Variants in ZNF528 observed in about 807,000 individuals in gnomAD.
ZNF528 encodes the protein zinc finger protein 528.
In ZNF528, 9 loss-of-function variants were observed where a neutral mutation model predicts 13.3. The observed-to-expected ratio is 0.67, with a 90% confidence interval of 0.41 to 1.18. The LOEUF is 1.18. Among genes scored for constraint, ZNF528 ranks in the 50% most tolerant of loss-of-function variants. The pLI is 0.01. For synonymous variants in ZNF528, 264 were observed against 254.3 expected (o/e 1.04, Z -0.36); for missense variants, 858 against 745.4 (o/e 1.15, Z -1.76).
rs2058811726 is a variant in ZNF528, at chr19:52,402,913, T to C, written c.15+885T>C. 2.0e-5 allele frequency among the ~76,000 whole-genome samples: 3 copies of C among 152,188 alleles called. No individual in the cohort carries two copies. The South Asian group carries it at 6.2e-4, about 31-fold the overall frequency. ...AGAAGCAGTGATGTGTGCCTATAAT[T>C]CTAGCTTCTTGAGGGGTTGAGGTGG... On this transcript the variant is annotated intron_variant, in intron 4 of 6. Transcript: ENST00000360465.
chr19:52,406,612 C>A lies in ZNF528; in HGVS notation c.240C>A (p.Asp80Glu). 1.2e-6 allele frequency: 2 copies of A among 1,613,892 alleles called. No homozygotes were observed. The highest frequency in any genetic ancestry group is 1.7e-6 in the Non-Finnish European group (2 of 1,179,928). The change falls in exon 6 of 7, where the codon GAC becomes GAA. Residue 80 changes from aspartate (D) to glutamate (E), a missense_variant. Transcript: ENST00000360465. ...QSEEKIANDP[D>E]GRECIKGVNT... is the part of the protein sequence containing the mutation. ...AAGAGAAAATAGCAAACGATCCAGA[C>A]GGCAGGGAGTGCATCAAAGGTGTGA...
chr19:52,416,588 G>T lies in ZNF528; in HGVS notation c.1736G>T (p.Cys579Phe), dbSNP rs1036999732. ...CATACTGAAAAGAAATCTCATGAGT[G>T]TAAAGAATGTGGCAAGATCTTCACT... ...AIHTEKKSHE[C>F]KECGKIFTQK... is the part of the protein sequence containing the mutation. The change falls in exon 7 of 7, where the codon TGT (cysteine) becomes TTT (phenylalanine). Residue 579 changes from cysteine (C) to phenylalanine (F), a missense_variant. Coordinates refer to ENST00000360465, the MANE Select transcript of ZNF528 (RefSeq NM_032423.3). 1.9e-6 allele frequency: 3 copies of T among 1,614,160 alleles called. No homozygotes were observed. The highest frequency in any genetic ancestry group is 2.5e-6 in the Non-Finnish European group (3 of 1,180,022).
In ZNF528 at chr19:52,415,513, G is replaced by A. The variant is rs770774850; in HGVS notation, c.661G>A (p.Val221Ile). 6.2e-7 allele frequency: 1 copy of A among 1,614,140 alleles called. No individual in the cohort carries two copies. The highest frequency in any genetic ancestry group is 8.5e-7 in the Non-Finnish European group (1 of 1,180,026). The change falls in exon 7 of 7, where the codon GTC becomes ATC. Residue 221 changes from valine to isoleucine, a missense_variant. Val to Ile is a conservative substitution (Grantham distance 29, BLOSUM62 3). Transcript: ENST00000360465. ...TTACAAATGCAGTGAATGTGGCAAG[G>A]TCTTTAGTTGCAGTTCAAAGCTTGT... ...NPYKCSECGK[V>I]FSCSSKLVIH...
intron 6 of ZNF528, chr19:52,408,240 A>G (rs753936879): frequency 6.7e-6 from 1 of 149,164 alleles, no homozygotes; most frequent in Non-Finnish European, 1.5e-5. Context: ...ATCTCGGCTC[A>G]CTACAGCCTC....
chr19:52,406,816 C>CA (rs2058862452), intron 6 of ZNF528, 173 bp downstream of exon 6: 3 of 806,550 alleles, frequency 3.7e-6, no homozygotes, highest in Non-Finnish European at 5.4e-6. Context: ...GGATTACAGC[C>CA]ATGAGCCACT....
rs1012802603 is a variant in ZNF528 at position 52,416,936 on chromosome 19, T to C, written c.*197T>C. 2.4e-5 allele frequency: 14 copies of C among 578,910 alleles called. No homozygotes were observed. Among genetic ancestry groups the C allele is most frequent in the Non-Finnish European group, 4.2e-5 (14 of 335,952 alleles). 35.9% of individuals were successfully genotyped at this position (578,910 alleles called of 1,614,324 possible). ...ACAGATGAATTGTGTGTACTTGGGC[T>C]ATTATTCAAGGACCATTGCTATAGA... On this transcript the variant is annotated 3_prime_UTR_variant, in exon 7 of 7. Transcript: ENST00000360465.
chr19:52,415,453 C>G lies in ZNF528; in HGVS notation c.601C>G (p.Leu201Val). Residue 201 changes from leucine to valine, a missense_variant, in exon 7 of 7, where the codon CTT (leucine) becomes GTT (valine). By Grantham distance (32) the Leu-to-Val change is conservative (BLOSUM62 1). Coordinates refer to ENST00000360465, the MANE Select transcript of ZNF528 (RefSeq NM_032423.3). Reference protein sequence around the residue: ...HGQVFRASASLTNQVIHNADN... With the variant: ...HGQVFRASASVTNQVIHNADN... Reference sequence around the variant, plus strand: ...CCAAGTCTTTAGAGCATCTGCAAGCCTTACTAACCAAGTAATCCATAACGC... The same window carrying G: ...CCAAGTCTTTAGAGCATCTGCAAGCGTTACTAACCAAGTAATCCATAACGC... 6.2e-7 allele frequency: 1 copy of G among 1,614,200 alleles called. No individual in the cohort carries two copies. The highest frequency in any genetic ancestry group is 8.5e-7 in the Non-Finnish European group (1 of 1,180,042).
intron 6 of ZNF528, chr19:52,414,717 G>A (rs2058977241): frequency 7.9e-6 from 3 of 379,900 alleles, no homozygotes; most frequent in Non-Finnish European, 1.5e-5. Flanking sequence ...CATCTCTTGG[G>A]CCTTCAGCTT....
intron 5 of ZNF528, 105 bp from the exon 6 acceptor site, chr19:52,406,410 A>T: frequency 6.8e-7 from 1 of 1,473,132 alleles, no homozygotes; most frequent in Non-Finnish European, 9.0e-7. Flanking sequence ...TGAATTTGTG[A>T]AATACTATTT....
intron 6 of ZNF528, 172 bp from the exon 7 acceptor site, chr19:52,414,952 C>G (rs1418329094): frequency 2.0e-6 from 3 of 1,531,574 alleles, no homozygotes; most frequent in Non-Finnish European, 2.6e-6. Context: ...CCCCACTGCT[C>G]CAATGCATCA....
chr19:52,403,659 CAAAAA>C (rs398035018), intron 4 of ZNF528, among the ~76,000 whole-genome samples: 11 of 84,976 alleles, frequency 1.3e-4, no homozygotes, highest in African/African-American at 9.9e-5. Context: ...GACTCCATCT[CAAAAA>C]AAAAAAAAAA....
Position 52,415,183 on chromosome 19 carries a change from T to C in ZNF528, c.331T>C (p.Phe111Leu). The C allele has an allele frequency of 6.2e-7, 1 of 1,611,984 alleles. No homozygotes were observed. The highest frequency in any genetic ancestry group is 8.5e-7 in the Non-Finnish European group (1 of 1,179,004). The change falls in exon 7 of 7, where the codon TTC (phenylalanine) becomes CTC (leucine). Residue 111 changes from phenylalanine to leucine, a missense_variant. Physicochemically the swap from Phe to Leu is conservative, Grantham distance 22. Coordinates refer to ENST00000360465, the MANE Select transcript of ZNF528 (RefSeq NM_032423.3). ...CAAGCCTTGTAAAAATCAACTTGGA[T>C]TCACTTTTCAGTTACATCTGAGTGA... ...GNKPCKNQLG[F>L]TFQLHLSDLQ...
Position 52,416,528 on chromosome 19 carries a change from G to A in ZNF528, c.1676G>A (p.Arg559Gln), listed in dbSNP as rs201245446. Residue 559 changes from arginine to glutamine, a missense_variant, in exon 7 of 7, where the codon CGA becomes CAA. Transcript: ENST00000360465. Reference protein sequence around the residue: ...YRCSKCGKAFRGCSGLTAHLA... With the variant: ...YRCSKCGKAFQGCSGLTAHLA... ...TGTAGTAAATGTGGCAAAGCATTTC[G>A]AGGGTGTTCAGGCCTTACTGCCCAT... 1.4e-5 allele frequency: 23 copies of A among 1,614,148 alleles called. No homozygotes were observed. The highest frequency in any genetic ancestry group is 1.6e-4 in the Middle Eastern group (1 of 6,062).
At chr19:52,401,607 T>G (rs890021099) in intron 2 of ZNF528, 78 bp from the exon 3 acceptor site, 21 of 1,151,842 alleles carry the variant, frequency 1.8e-5, no homozygotes, top group Non-Finnish European at 2.4e-5. Flanking sequence ...TTAAAATAAG[T>G]GCTTGATCAA....
chr19:52,410,397 G>A (rs2058915937), intron 6 of ZNF528, among the ~76,000 whole-genome samples: 1 of 152,236 alleles, frequency 6.6e-6, no homozygotes, highest in Non-Finnish European at 1.5e-5. Context: ...TTGCAAGACT[G>A]CATTCTTTGA....
chr19:52,408,202 A>C (rs1174067662), intron 6 of ZNF528: 1 of 147,570 alleles, frequency 6.8e-6, no homozygotes, highest in East Asian at 2.0e-4. Flanking sequence ...TTTTTCTGAG[A>C]TGGAGTCTCC....
At chr19:52,415,002 A>G in intron 6 of ZNF528, 122 bp from the exon 7 acceptor site, 1 of 1,555,278 alleles carries the variant, frequency 6.4e-7, no homozygotes, top group Non-Finnish European at 8.7e-7. Flanking sequence ...AGCATGATAC[A>G]CACAATACCC....
rs760291956 is a variant in ZNF528 at position 52,415,438 on chromosome 19, A to G, written c.586A>G (p.Arg196Gly). 1.2e-6 allele frequency: 2 copies of G among 1,614,248 alleles called. No homozygotes were observed. Among genetic ancestry groups the G allele is most frequent in the Non-Finnish European group, 8.5e-7 (1 of 1,180,048 alleles). The change falls in exon 7 of 7, where the codon AGA (arginine) becomes GGA (glycine). Residue 196 changes from arginine to glycine, a missense_variant. Physicochemically the swap from Arg to Gly is moderately radical, Grantham distance 125 (BLOSUM62 -2). Transcript: ENST00000360465. ...YKCNEHGQVF[R>G]ASASLTNQVI... ...ATGTAATGAGCACGGCCAAGTCTTT[A>G]GAGCATCTGCAAGCCTTACTAACCA... is the stretch of plus-strand genomic sequence containing the variant.
At chr19:52,402,086 A>T in intron 4 of ZNF528, 58 bp downstream of exon 4, 1 of 1,613,246 alleles carries the variant, frequency 6.2e-7, no homozygotes, top group South Asian at 1.1e-5. Flanking sequence ...AATGCCAGGC[A>T]TTGGAGTTGC....
Sources: gnomAD v4.1 joint callset for allele counts (sites outside exome capture counted in the v4.1 genomes callset) on GRCh38, gnomAD v4.1.1 for gene constraint, MANE v1.5 for transcripts, NCBI Gene and HGNC (gene_info 2026-07-23, HGNC 2026-07-21) for gene names.